Variants in GNA14 observed in about 807,000 individuals in gnomAD.
The protein encoded by GNA14 is G protein subunit alpha 14.
A neutral mutation model predicts 42.0 loss-of-function variants in GNA14; 50 were observed. The ratio of observed to expected loss-of-function variants is 1.19; its 90% CI spans 0.95 to 1.51. The LOEUF is 1.51. Among genes scored for constraint, GNA14 ranks in the 40% most tolerant of loss-of-function variants. The pLI is 0.00. For missense variants in GNA14, 473 were observed against 446.2 expected, an observed-to-expected ratio of 1.06 and a Z score of -0.54; for synonymous variants, 173 against 163.1, an observed-to-expected ratio of 1.06 and a Z score of -0.46.
intron 1 of GNA14, among the ~76,000 whole-genome samples, chr9:77,546,074 G>A (rs1443291386): frequency 1.3e-5 from 2 of 151,886 alleles, no homozygotes; most frequent in Non-Finnish European, 2.9e-5. Context: ...AAAAATAGCC[G>A]GGCGTGGTGG....
At chr9:77,436,083 A>T (rs1189717792) in intron 2 of GNA14, among the ~76,000 whole-genome samples, 1 of 152,170 alleles carries the variant, frequency 6.6e-6, no homozygotes, top group African/African-American at 2.4e-5. Context: ...GAAAAGGAGG[A>T]TCTTACACAT....
chr9:77,542,835 T>C (rs560819884), intron 1 of GNA14, among the ~76,000 whole-genome samples: 1 of 152,292 alleles, frequency 6.6e-6, no homozygotes, highest in East Asian at 1.9e-4. Context: ...AGGCCCCTGA[T>C]GGCAGGCTGA....
At chr9:77,562,123 G>T (rs890837772) in intron 1 of GNA14, among the ~76,000 whole-genome samples, 1 of 152,176 alleles carries the variant, frequency 6.6e-6, no homozygotes, top group African/African-American at 2.4e-5. Context: ...TAGCATGAAT[G>T]CCTTTGTACT....
At chr9:77,476,202 G>C (rs1475595927) in intron 2 of GNA14, among the ~76,000 whole-genome samples, 3 of 152,094 alleles carry the variant, frequency 2.0e-5, no homozygotes, top group Admixed American at 6.5e-5. Context: ...AACTTCCTGG[G>C]GAAATGATTC....
intron 1 of GNA14, among the ~76,000 whole-genome samples, chr9:77,535,896 T>G (rs1451711721): frequency 1.3e-5 from 2 of 151,496 alleles, no homozygotes; most frequent in Non-Finnish European, 2.9e-5. Flanking sequence ...TGTTTTGTTT[T>G]TTTTTTTTTT....
At position 77,502,740 on chromosome 9, in the gene GNA14, G is replaced by C. The variant is rs73651513; in HGVS notation, c.309+26329C>G. On this transcript the variant is annotated intron_variant, in intron 2 of 6. Coordinates refer to ENST00000341700, the MANE Select transcript of GNA14 (RefSeq NM_004297.4). ...AGCTTTCTCTGACACTGCCCAAGAA[G>C]GGGGGTTGGGTGAGAGTGGGAGGCT... is the stretch of plus-strand genomic sequence containing the variant. Among the ~76,000 whole-genome samples the C allele has an allele frequency of 1.4e-4, 22 of 152,268 alleles. No individual in the cohort carries two copies. The East Asian group carries it at 4.1e-3, about 28-fold the overall frequency.
chr9:77,584,391 C>A (rs1246352310), intron 1 of GNA14, among the ~76,000 whole-genome samples: 2 of 152,136 alleles, frequency 1.3e-5, no homozygotes, highest in South Asian at 2.1e-4. Context: ...ATGGGGTGTG[C>A]AATCAAAGTT....
intron 1 of GNA14, among the ~76,000 whole-genome samples, chr9:77,592,690 C>T (rs929111903): frequency 1.4e-4 from 21 of 152,172 alleles, no homozygotes; most frequent in African/African-American, 5.1e-4. Context: ...AGATCTTCAA[C>T]CCTTCATAAA....
At chr9:77,525,043 C>T (rs899317274) in intron 2 of GNA14, among the ~76,000 whole-genome samples, 1 of 151,994 alleles carries the variant, frequency 6.6e-6, no homozygotes, top group Non-Finnish European at 1.5e-5. Context: ...TTTACATGGC[C>T]CATGAGTCAA....
chr9:77,527,837 G>A (rs563883546), intron 2 of GNA14, among the ~76,000 whole-genome samples: 2 of 152,272 alleles, frequency 1.3e-5, no homozygotes, highest in Admixed American at 1.3e-4. Flanking sequence ...GTTTCACTAT[G>A]TTGGCCAGGC....
In GNA14 at chr9:77,424,056, CTG is replaced by C. The variant is rs750424668; in HGVS notation, c.989_990del (p.Thr330ArgfsTer67). The C allele has an allele frequency of 2.6e-5, 42 of 1,611,556 alleles. No individual in the cohort carries two copies. Among genetic ancestry groups the C allele is most frequent in the Non-Finnish European group, 3.3e-5 (39 of 1,178,634 alleles). Reference sequence around the variant, plus strand: ...GCAGCAAACACAAAGCGAATATTGTCTGTATCTGTAGCACATGTGAAGTGAGA... The same window carrying C: ...GCAGCAAACACAAAGCGAATATTGTCTATCTGTAGCACATGTGAAGTGAGA... ...IYSHFTCATD[T>X]DNIRFVFAAV... On this transcript the variant is annotated frameshift_variant, in exon 7 of 7. Coordinates refer to ENST00000341700, the MANE Select transcript of GNA14 (RefSeq NM_004297.4). LOFTEE classifies it high-confidence loss of function.
intron 2 of GNA14, among the ~76,000 whole-genome samples, chr9:77,511,760 T>A (rs953303005): frequency 6.6e-6 from 1 of 152,122 alleles, no homozygotes; most frequent in Non-Finnish European, 1.5e-5. Flanking sequence ...AAATGGCCTA[T>A]TCCTGCAGCC....
At chr9:77,565,685 C>G (rs577285450) in intron 1 of GNA14, among the ~76,000 whole-genome samples, 11 of 152,312 alleles carry the variant, frequency 7.2e-5, no homozygotes, top group African/African-American at 2.6e-4. Flanking sequence ...CTCAAACTCC[C>G]TGCCTCGAGT....
chr9:77,432,073 A>ATT (rs139180649), intron 3 of GNA14, among the ~76,000 whole-genome samples: 2,146 of 148,034 alleles, frequency 0.014, 63 homozygotes, highest in African/African-American at 0.05. Flanking sequence ...CTTAAAACAT[A>ATT]TTTTTTTTTT....
At chr9:77,529,821 GA>G (rs1158646173) in intron 1 of GNA14, among the ~76,000 whole-genome samples, 3 of 152,136 alleles carry the variant, frequency 2.0e-5, no homozygotes. Flanking sequence ...GTTACAGTAT[GA>G]AGCCATCCCT....
In GNA14 at chr9:77,424,080, G is replaced by T. The variant is rs1835415532; in HGVS notation, c.967C>A (p.His323Asn). The T allele has an allele frequency of 2.5e-6, 4 of 1,611,596 alleles. No homozygotes were observed. Among genetic ancestry groups the T allele is most frequent in the Non-Finnish European group, 2.5e-6 (3 of 1,178,024 alleles). Reference protein sequence around the residue: ...NPDKEKVIYSHFTCATDTDNI... With the variant: ...NPDKEKVIYSNFTCATDTDNI... ...TCTGTATCTGTAGCACATGTGAAGTGAGAGTAGATGACTTTCTCTTTGTCA... is the reference window on the plus strand; with the variant it reads ...TCTGTATCTGTAGCACATGTGAAGTTAGAGTAGATGACTTTCTCTTTGTCA... Residue 323 changes from histidine (H) to asparagine (N), a missense_variant, in exon 7 of 7, where the codon CAC becomes AAC. By Grantham distance (68) the His-to-Asn change is moderately conservative. Coordinates refer to ENST00000341700, the MANE Select transcript of GNA14 (RefSeq NM_004297.4).
chr9:77,439,420 C>T (rs141894274), intron 2 of GNA14, among the ~76,000 whole-genome samples: 1 of 152,316 alleles, frequency 6.6e-6, no homozygotes, highest in Non-Finnish European at 1.5e-5. Context: ...GGGAGGATCG[C>T]TTGAGCCTAG....
Position 77,436,450 on chromosome 9 carries a change from G to A in GNA14, c.310-1928C>T, listed in dbSNP as rs532341448. On this transcript the variant is annotated intron_variant, in intron 2 of 6. Coordinates refer to ENST00000341700, the MANE Select transcript of GNA14 (RefSeq NM_004297.4). ...AGCAGATGTCTAATAAGTATTTCTTGTTTGCAAAAACAGGACACATCAGTA... is the reference window on the plus strand; with the variant it reads ...AGCAGATGTCTAATAAGTATTTCTTATTTGCAAAAACAGGACACATCAGTA... Among the ~76,000 whole-genome samples, 4 of 152,248 alleles carry A rather than the reference G, an allele frequency of 2.6e-5. No individual in the cohort carries two copies. In the East Asian group the frequency reaches 7.7e-4, roughly 29 times the overall value.
At chr9:77,519,372 C>T (rs1405476840) in intron 2 of GNA14, among the ~76,000 whole-genome samples, 1 of 151,994 alleles carries the variant, frequency 6.6e-6, no homozygotes, top group African/African-American at 2.4e-5. Context: ...GATTGCGCCA[C>T]TACACTCCAG....
Sources: gnomAD v4.1 joint callset for allele counts (sites outside exome capture counted in the v4.1 genomes callset) on GRCh38, gnomAD v4.1.1 for gene constraint, MANE v1.5 for transcripts, NCBI Gene and HGNC (gene_info 2026-07-23, HGNC 2026-07-21) for gene names.